Variants in ZFAND3 observed in about 807,000 individuals in gnomAD.
The protein encoded by ZFAND3 is zinc finger AN1-type containing 3.
Under a neutral mutation model 29.6 loss-of-function variants are expected in ZFAND3, and 10 were observed. The ratio of observed to expected loss-of-function variants is 0.34; its 90% CI spans 0.21 to 0.57. The LOEUF is 0.57. ZFAND3 is among the 20% of genes least tolerant of loss of function. ZFAND3 has a pLI of 0.86. For missense variants in ZFAND3, 230 were observed against 304.5 expected (o/e 0.76, Z 1.82); for synonymous variants, 128 against 112.6 (o/e 1.14, Z -0.87).
chr6:38,111,820 CAG>C lies in ZFAND3; in HGVS notation c.362-4751_362-4750del, dbSNP rs577382649. On this transcript the variant is annotated intron_variant, in intron 4 of 5. Transcript: ENST00000287218. ...GTTATATGAAAATTTTCAGCTGTAA[CAG>C]GGGTCAGCGCCCCAAACCCCATGTT... 3.0e-3 allele frequency among the ~76,000 whole-genome samples: 452 copies of C among 152,226 alleles called. 1 individual carries two copies. The highest frequency in any genetic ancestry group is 5.0e-3 in the Non-Finnish European group (343 of 68,026).
chr6:38,103,363 T>C (rs1765131978), intron 4 of ZFAND3, among the ~76,000 whole-genome samples: 2 of 147,912 alleles, frequency 1.4e-5, no homozygotes, highest in South Asian at 2.2e-4. Context: ...TATATATATA[T>C]ATATACACAC....
chr6:38,144,875 T>C (rs976189617), intron 5 of ZFAND3, among the ~76,000 whole-genome samples: 3 of 152,246 alleles, frequency 2.0e-5, no homozygotes, highest in Non-Finnish European at 4.4e-5. Flanking sequence ...ATAATTCTTT[T>C]TACTTCAAGA....
chr6:38,148,711 C>T (rs191018247), intron 5 of ZFAND3, among the ~76,000 whole-genome samples: 128 of 152,194 alleles, frequency 8.4e-4, no homozygotes, highest in Admixed American at 2.0e-4. Flanking sequence ...AAGATTCATC[C>T]CATCCACCAG....
intron 1 of ZFAND3, among the ~76,000 whole-genome samples, chr6:37,852,364 A>G (rs1289054000): frequency 6.6e-6 from 1 of 152,228 alleles, no homozygotes; most frequent in East Asian, 1.9e-4. Flanking sequence ...ATCCTCCACA[A>G]CAAAGAATTA....
chr6:37,891,003 A>T (rs1765086871), intron 1 of ZFAND3, among the ~76,000 whole-genome samples: 1 of 152,228 alleles, frequency 6.6e-6, no homozygotes, highest in South Asian at 2.1e-4. Context: ...CAAAATAGTC[A>T]AAGCGTTATA....
intron 5 of ZFAND3, among the ~76,000 whole-genome samples, chr6:38,151,383 G>A (rs1766220364): frequency 6.6e-6 from 1 of 152,196 alleles, no homozygotes; most frequent in Admixed American, 6.5e-5. Context: ...AAGACAGCTG[G>A]AGGCCTGAGT....
At chr6:38,124,533 G>A (rs796160192) in intron 5 of ZFAND3, among the ~76,000 whole-genome samples, 2 of 152,186 alleles carry the variant, frequency 1.3e-5, no homozygotes, top group Non-Finnish European at 2.9e-5. Context: ...CCGGTGGGCC[G>A]CACTGCTGGG....
At chr6:37,919,586 A>G (rs918242263) in intron 1 of ZFAND3, among the ~76,000 whole-genome samples, 1 of 152,138 alleles carries the variant, frequency 6.6e-6, no homozygotes, top group African/African-American at 2.4e-5. Flanking sequence ...AGTCACTGGA[A>G]AATTTATCCC....
At chr6:37,829,382 A>G (rs1238505217) in intron 1 of ZFAND3, among the ~76,000 whole-genome samples, 1 of 152,118 alleles carries the variant, frequency 6.6e-6, no homozygotes, top group Non-Finnish European at 1.5e-5. Flanking sequence ...CTGAAAATAC[A>G]GAAATTAGCT....
chr6:38,144,184 A>AATATATATATATATATATATAATAT (rs1766026257), intron 5 of ZFAND3, among the ~76,000 whole-genome samples: 1 of 42,556 alleles, frequency 2.3e-5, no homozygotes, highest in Admixed American at 2.0e-4. Context: ...ATATATATAT[A>AATATATATATATATATATATAATAT]ATATATATAT....
At chr6:38,141,712 C>T (rs1055302694) in intron 5 of ZFAND3, among the ~76,000 whole-genome samples, 1 of 152,118 alleles carries the variant, frequency 6.6e-6, no homozygotes, top group Non-Finnish European at 1.5e-5. Context: ...GAACCAGAAT[C>T]TAGATGGGGA....
At chr6:37,850,857 C>T (rs986483938) in intron 1 of ZFAND3, among the ~76,000 whole-genome samples, 1 of 152,136 alleles carries the variant, frequency 6.6e-6, no homozygotes, top group African/African-American at 2.4e-5. Flanking sequence ...GCCTCAGCCT[C>T]CTGAGTAGCT....
chr6:38,007,746 AT>A (rs1392125926), intron 2 of ZFAND3, among the ~76,000 whole-genome samples: 1 of 152,190 alleles, frequency 6.6e-6, no homozygotes, highest in Non-Finnish European at 1.5e-5. Context: ...TTTTTAATTA[AT>A]TTAGGCTCAA....
At chr6:38,043,689 A>T (rs556670627) in intron 2 of ZFAND3, among the ~76,000 whole-genome samples, 1 of 151,260 alleles carries the variant, frequency 6.6e-6, no homozygotes, top group Non-Finnish European at 1.5e-5. Flanking sequence ...TTGGGTCACC[A>T]CTGCCTTGAT....
At chr6:38,007,404 G>A (rs1312410172) in intron 2 of ZFAND3, among the ~76,000 whole-genome samples, 3 of 152,006 alleles carry the variant, frequency 2.0e-5, no homozygotes, top group Non-Finnish European at 4.4e-5. Context: ...AAATTTGTCC[G>A]GCATGATGGT....
At chr6:38,059,617 C>T (rs1387457475) in intron 2 of ZFAND3, among the ~76,000 whole-genome samples, 1 of 152,192 alleles carries the variant, frequency 6.6e-6, no homozygotes. Context: ...GTGGCTCACA[C>T]CTGTAATCCC....
chr6:38,015,864 G>A (rs1431952826), intron 2 of ZFAND3, among the ~76,000 whole-genome samples: 1 of 152,174 alleles, frequency 6.6e-6, no homozygotes, highest in African/African-American at 2.4e-5. Context: ...TTGACCTGTG[G>A]TGTTTTCTTT....
chr6:38,035,597 T>C (rs1449759919), intron 2 of ZFAND3, among the ~76,000 whole-genome samples: 2 of 152,218 alleles, frequency 1.3e-5, no homozygotes, highest in African/African-American at 4.8e-5. Flanking sequence ...TGGGAGATCC[T>C]CATTAATGTA....
At chr6:38,045,149 G>A (rs189812571) in intron 2 of ZFAND3, among the ~76,000 whole-genome samples, 7 of 150,396 alleles carry the variant, frequency 4.7e-5, no homozygotes, top group Non-Finnish European at 3.0e-5. Context: ...TGTTAGTGGC[G>A]GGATCTTGGC....
Sources: gnomAD v4.1 joint callset for allele counts (sites outside exome capture counted in the v4.1 genomes callset) on GRCh38, gnomAD v4.1.1 for gene constraint, MANE v1.5 for transcripts, NCBI Gene and HGNC (gene_info 2026-07-23, HGNC 2026-07-21) for gene names.